Variants in MTRF1 observed in about 807,000 individuals in gnomAD.
MTRF1 encodes the protein peptide chain release factor 1, mitochondrial.
In MTRF1, 51 loss-of-function variants were observed where a neutral mutation model predicts 62.9. The ratio of observed to expected loss-of-function variants is 0.81; its 90% confidence interval spans 0.65 to 1.02. The LOEUF is 1.02. Among genes scored for constraint, MTRF1 ranks in the 50% least tolerant of loss-of-function variants. The probability of loss-of-function intolerance (pLI) is 0.00; values close to 1 mark genes in which losing one functional copy is unlikely to be tolerated. For missense variants in MTRF1, 446 were observed against 530.0 expected (o/e 0.84, Z 1.56); for synonymous variants, 158 against 181.9 (o/e 0.87, Z 1.06).
chr13:41,311,434 C>A, the MTRF1 span: 1 of 1,230,496 alleles, frequency 8.1e-7, no homozygotes, highest in Non-Finnish European at 1.2e-6. Flanking sequence ...CAGCCCGACT[C>A]TCAGCAGCGG....
At chr13:41,244,245 T>C (rs1197874225) in intron 5 of MTRF1, among the ~76,000 whole-genome samples, 1 of 152,246 alleles carries the variant, frequency 6.6e-6, no homozygotes, top group Non-Finnish European at 1.5e-5. Context: ...GTGAACTCTC[T>C]CTCTGGCACA....
chr13:41,294,017 G>C, the MTRF1 span, among the ~76,000 whole-genome samples: 1 of 151,960 alleles, frequency 6.6e-6, no homozygotes, highest in African/African-American at 2.4e-5. Flanking sequence ...TGCTTCCTAG[G>C]TTTCATTAAA....
chr13:41,245,542 G>A (rs1483349028), intron 5 of MTRF1, among the ~76,000 whole-genome samples: 1 of 152,130 alleles, frequency 6.6e-6, no homozygotes, highest in African/African-American at 2.4e-5. Flanking sequence ...ACCATGCTCA[G>A]CCTCTTAATT....
At chr13:41,254,850 GT>G (rs886603098) in intron 2 of MTRF1, among the ~76,000 whole-genome samples, 77 of 144,892 alleles carry the variant, frequency 5.3e-4, no homozygotes, top group African/African-American at 1.0e-3. Flanking sequence ...AAAACCTTGT[GT>G]TTTTTTTTTT....
intron 7 of MTRF1, among the ~76,000 whole-genome samples, chr13:41,227,248 G>C (rs1191397173): frequency 6.6e-6 from 1 of 151,682 alleles, no homozygotes; most frequent in Non-Finnish European, 1.5e-5. Flanking sequence ...GATTATGCCT[G>C]GTGACAGAGC....
chr13:41,301,445 G>C, the MTRF1 span, among the ~76,000 whole-genome samples: 4 of 152,224 alleles, frequency 2.6e-5, no homozygotes, highest in Middle Eastern at 3.4e-3. Flanking sequence ...GGAGGCAGAT[G>C]ATATAGAAAG....
the MTRF1 span, among the ~76,000 whole-genome samples, chr13:41,270,677 T>A: frequency 2.0e-5 from 3 of 152,256 alleles, no homozygotes; most frequent in East Asian, 5.8e-4. Flanking sequence ...TTAAAATGAA[T>A]GTAATTGCTA....
chr13:41,259,544 C>CA lies in MTRF1; in HGVS notation c.415+948dup, dbSNP rs1365695960. On this transcript the variant is annotated intron_variant, in intron 2 of 9. Coordinates refer to ENST00000379480, the MANE Select transcript of MTRF1 (RefSeq NM_004294.4). ...GTGAAACCCCGTCTCTACTGAAATA[C>CA]AAAAAAAATTAGCTGGGCATGGTGG... Among the ~76,000 whole-genome samples the CA allele has an allele frequency of 2.0e-5, 3 of 149,930 alleles. No individual in the cohort carries two copies. The East Asian group carries it at 5.9e-4, about 29-fold the overall frequency.
intron 5 of MTRF1, among the ~76,000 whole-genome samples, chr13:41,242,319 T>C (rs1009081514): frequency 1.3e-5 from 2 of 151,862 alleles, no homozygotes; most frequent in Non-Finnish European, 2.9e-5. Context: ...TTCTGAATTC[T>C]TCTGACATGC....
At chr13:41,290,798 G>T in the MTRF1 span, among the ~76,000 whole-genome samples, 1 of 151,282 alleles carries the variant, frequency 6.6e-6, no homozygotes, top group Non-Finnish European at 1.5e-5. Context: ...ACCTATAAAA[G>T]AAATTTTGTA....
chr13:41,218,658 A>G (rs2032480398), intron 9 of MTRF1, among the ~76,000 whole-genome samples: 1 of 152,228 alleles, frequency 6.6e-6, no homozygotes, highest in African/African-American at 2.4e-5. Context: ...GAATTTGTAC[A>G]TTGCCATTTT....
upstream of MTRF1, among the ~76,000 whole-genome samples, chr13:41,267,017 A>C (rs1378786030): frequency 7.1e-6 from 1 of 141,164 alleles, no homozygotes; most frequent in African/African-American, 2.6e-5. Context: ...AAAAAAAAAA[A>C]CAAATTTCCC....
the MTRF1 span, among the ~76,000 whole-genome samples, chr13:41,272,185 C>G: frequency 2.0e-5 from 3 of 152,166 alleles, no homozygotes; most frequent in African/African-American, 7.2e-5. Flanking sequence ...ACTCTTGAAA[C>G]TTTACAAAGA....
At chr13:41,258,576 A>AAAC (rs1555267312) in intron 2 of MTRF1, among the ~76,000 whole-genome samples, 4 of 35,172 alleles carry the variant, frequency 1.1e-4, no homozygotes, top group Non-Finnish European at 1.7e-4. Context: ...AAAAAAAAAC[A>AAAC]AAAAAAAAAA....
At chr13:41,277,005 A>AT in the MTRF1 span, among the ~76,000 whole-genome samples, 87 of 152,250 alleles carry the variant, frequency 5.7e-4, no homozygotes, top group Non-Finnish European at 1.2e-3. Flanking sequence ...CTTATTGCAT[A>AT]ACCACCCCCA....
chr13:41,265,311 A>G (rs1371172632), upstream of MTRF1, among the ~76,000 whole-genome samples: 2 of 151,426 alleles, frequency 1.3e-5, no homozygotes, highest in East Asian at 3.9e-4. Flanking sequence ...AATCCTAGCT[A>G]CTCGGAGGCT....
chr13:41,305,322 A>G, the MTRF1 span, among the ~76,000 whole-genome samples: 1 of 152,160 alleles, frequency 6.6e-6, no homozygotes, highest in Non-Finnish European at 1.5e-5. Flanking sequence ...CCTCCCAAAG[A>G]GTTGGGATTA....
the MTRF1 span, among the ~76,000 whole-genome samples, chr13:41,275,306 T>C: frequency 6.6e-6 from 1 of 151,828 alleles, no homozygotes; most frequent in Admixed American, 6.6e-5. Context: ...GTTCATGCCA[T>C]TCTTTTGCCT....
the MTRF1 span, among the ~76,000 whole-genome samples, chr13:41,283,738 C>T: frequency 6.6e-6 from 1 of 151,136 alleles, no homozygotes; most frequent in Admixed American, 6.6e-5. Flanking sequence ...CACAGGCGCC[C>T]GCCACTACGC....
Sources: allele counts gnomAD v4.1 joint callset (sites outside exome capture counted in the v4.1 genomes callset), GRCh38; gene constraint gnomAD v4.1.1; transcripts MANE v1.5; gene names NCBI Gene and HGNC (gene_info 2026-07-23, HGNC 2026-07-21).